Variants in TCF7L2 observed in about 807,000 individuals in gnomAD.
TCF7L2 encodes transcription factor 7-like 2.
TCF7L2 carries 23 observed loss-of-function variants against 77.9 expected under a neutral mutation model. The ratio of observed to expected loss-of-function variants is 0.30; its 90% confidence interval spans 0.21 to 0.42. The LOEUF (loss-of-function observed/expected upper bound fraction) is 0.42, where lower values mean the gene tolerates loss of function less well. TCF7L2 is among the 10% of genes least tolerant of loss of function. The pLI is 1.00. For synonymous variants in TCF7L2, 413 were observed against 340.2 expected, an observed-to-expected ratio of 1.21 and a Z score of -2.36; for missense variants, 654 against 793.1, an observed-to-expected ratio of 0.82 and a Z score of 2.11.
chr10:113,101,225 C>T (rs2061599447), intron 5 of TCF7L2, among the ~76,000 whole-genome samples: 2 of 152,136 alleles, frequency 1.3e-5, no homozygotes, highest in Admixed American at 6.5e-5. Context: ...GTCATAATTC[C>T]TGCAAGCCTT....
chr10:113,104,864 G>A (rs1409735303), intron 5 of TCF7L2, among the ~76,000 whole-genome samples: 1 of 152,158 alleles, frequency 6.6e-6, no homozygotes, highest in African/African-American at 2.4e-5. Flanking sequence ...GGTACATGAG[G>A]CTTAAACAGT....
chr10:113,144,144 G>GTGTA, intron 7 of TCF7L2, 119 bp downstream of exon 7: 1 of 860,190 alleles, frequency 1.2e-6, no homozygotes, highest in African/African-American at 1.7e-5. Context: ...GTGTATGTGT[G>GTGTA]TGTGTTAGAA....
chr10:113,158,326 A>G (rs758337735), intron 12 of TCF7L2, among the ~76,000 whole-genome samples: 5 of 152,110 alleles, frequency 3.3e-5, no homozygotes, highest in South Asian at 2.1e-4. Context: ...TGCAGAGCCT[A>G]TAACTGGAGA....
intron 13 of TCF7L2, chr10:113,161,622 T>C (rs779822684): frequency 2.6e-6 from 4 of 1,536,114 alleles, no homozygotes; most frequent in Non-Finnish European, 2.6e-6. Context: ...TTCAACACCC[T>C]AAACACGCTT....
At chr10:112,985,870 G>GTT (rs1162646138) in intron 4 of TCF7L2, among the ~76,000 whole-genome samples, 5 of 151,834 alleles carry the variant, frequency 3.3e-5, no homozygotes, top group Non-Finnish European at 7.4e-5. Flanking sequence ...TTGTGTGTGT[G>GTT]TGTGTGTGTG....
At chr10:112,964,814 G>GTGGTGGTGATGATGGTGGTGGTGGT (rs1400096451) in intron 4 of TCF7L2, among the ~76,000 whole-genome samples, 190 bp downstream of exon 4, 1 of 116,110 alleles carries the variant, frequency 8.6e-6, no homozygotes, top group African/African-American at 4.8e-5. Context: ...GGTGGTGGTG[G>GTGGTGGTGATGATGGTGGTGGTGGT]GGGGGGGTTG....
chr10:113,097,472 G>C (rs1462309695), intron 5 of TCF7L2, among the ~76,000 whole-genome samples: 2 of 151,738 alleles, frequency 1.3e-5, no homozygotes, highest in Non-Finnish European at 2.9e-5. Context: ...GGCCAACATG[G>C]TAAAACCCCA....
At chr10:112,989,174 T>A (rs1426823446) in intron 4 of TCF7L2, among the ~76,000 whole-genome samples, 2 of 152,050 alleles carry the variant, frequency 1.3e-5, no homozygotes, top group Admixed American at 1.3e-4. Flanking sequence ...TTCCTGTGTC[T>A]CCCTGTAAAA....
chr10:112,985,478 A>G (rs1353664351), intron 4 of TCF7L2, among the ~76,000 whole-genome samples: 2 of 151,038 alleles, frequency 1.3e-5, no homozygotes, highest in African/African-American at 4.9e-5. Flanking sequence ...TTTTTCTTGT[A>G]TTACTACAAG....
intron 4 of TCF7L2, among the ~76,000 whole-genome samples, chr10:113,016,799 C>T (rs535559493): frequency 1.2e-4 from 18 of 152,178 alleles, no homozygotes; most frequent in African/African-American, 3.6e-4. Flanking sequence ...CACCTGCACC[C>T]GCCAGCTAAT....
intron 4 of TCF7L2, among the ~76,000 whole-genome samples, chr10:113,036,888 T>C (rs1161300363): frequency 1.3e-5 from 2 of 152,026 alleles, no homozygotes; most frequent in South Asian, 2.1e-4. Flanking sequence ...ACTTTTTTTT[T>C]CCCTCCCCCA....
At chr10:113,165,532 A>G in intron 13 of TCF7L2, 23 bp from the exon 15 acceptor site, 1 of 1,612,356 alleles carries the variant, frequency 6.2e-7, no homozygotes, top group South Asian at 1.1e-5. Context: ...CTATTCACAG[A>G]TAACTCTCTC....
At chr10:113,080,874 A>G (rs2135448360) in intron 5 of TCF7L2, among the ~76,000 whole-genome samples, 1 of 152,292 alleles carries the variant, frequency 6.6e-6, no homozygotes, top group African/African-American at 2.4e-5. Flanking sequence ...GTTATTATCT[A>G]ATGCTGATAA....
At position 113,123,278 on chromosome 10, in the gene TCF7L2, C is replaced by T. The variant is rs79957876; in HGVS notation, c.553-17906C>T. On this transcript the variant is annotated intron_variant, in intron 5 of 13. Transcript: ENST00000627217. Reference sequence around the variant, plus strand: ...ATTAACAACTCCGGTTCAGAGCGCACAAAGATGCAGATTAAGGATATATCC... The same window carrying T: ...ATTAACAACTCCGGTTCAGAGCGCATAAAGATGCAGATTAAGGATATATCC... Among the ~76,000 whole-genome samples, 764 of 152,264 alleles carry T rather than the reference C, an allele frequency of 5.0e-3. 7 individuals are homozygous for T. Among genetic ancestry groups the T allele is most frequent in the East Asian group, 0.036 (187 of 5,178 alleles).
chr10:112,977,429 G>A (rs534418195), intron 4 of TCF7L2, among the ~76,000 whole-genome samples: 1 of 152,324 alleles, frequency 6.6e-6, no homozygotes, highest in African/African-American at 2.4e-5. Flanking sequence ...AGAGAGCATA[G>A]GGTGTGAGCC....
At chr10:112,960,918 C>T (rs1352501266) in intron 3 of TCF7L2, among the ~76,000 whole-genome samples, 1 of 152,146 alleles carries the variant, frequency 6.6e-6, no homozygotes, top group African/African-American at 2.4e-5. Context: ...GTCTGGAACT[C>T]CTGTCCTCAG....
At position 113,070,269 on chromosome 10, in the gene TCF7L2, T is replaced by TTATATATATATA. The variant is rs34181424; in HGVS notation, c.552+30153_552+30164dup. On this transcript the variant is annotated intron_variant, in intron 5 of 13. Coordinates refer to ENST00000627217, the MANE Select transcript of TCF7L2 (RefSeq NM_001146274.2). Reference sequence around the variant, plus strand: ...GACTCCGTCTTAAAAAAAAAAAAATTTATATATATATATATATATATGAAT... The same window carrying TTATATATATATA: ...GACTCCGTCTTAAAAAAAAAAAAATTTATATATATATATATATATATATATATATATATGAAT... 9.5e-3 allele frequency among the ~76,000 whole-genome samples: 1,174 copies of TTATATATATATA among 124,026 alleles called. 25 individuals are homozygous for TTATATATATATA. Among genetic ancestry groups the TTATATATATATA allele is most frequent in the African/African-American group, 0.031 (1,018 of 32,430 alleles). 81.4% of individuals were successfully genotyped at this position (124,026 alleles called of 152,430 possible). A position where few individuals can be genotyped will look rare whatever the true frequency, so the allele number is the denominator to read the frequency against.
chr10:113,025,924 G>A (rs1048696628), intron 4 of TCF7L2, among the ~76,000 whole-genome samples: 1 of 151,578 alleles, frequency 6.6e-6, no homozygotes, highest in Non-Finnish European at 1.5e-5. Flanking sequence ...GTTACCCAGG[G>A]TGGAGTGACA....
At chr10:113,131,673 G>C (rs11196238) in intron 5 of TCF7L2, among the ~76,000 whole-genome samples, 12,332 of 152,206 alleles carry the variant, frequency 0.081, 967 homozygotes, top group Admixed American at 0.24. Context: ...GTCACAACAG[G>C]CTGCTGCATC....
Sources: gnomAD v4.1 joint callset for allele counts (sites outside exome capture counted in the v4.1 genomes callset) on GRCh38, gnomAD v4.1.1 for gene constraint, MANE v1.5 for transcripts, NCBI Gene and HGNC (gene_info 2026-07-23, HGNC 2026-07-21) for gene names.